The following FOCAD variants were observed in gnomAD, a reference collection of about 807,000 sequenced individuals.
The protein encoded by FOCAD is focadhesin.
Under a neutral mutation model 225.6 loss-of-function variants are expected in FOCAD, and 198 were observed. The ratio of observed to expected loss-of-function variants is 0.88; its 90% CI spans 0.78 to 0.99. The LOEUF is 0.99. Among genes scored for constraint, FOCAD ranks in the 50% least tolerant of loss-of-function variants. The pLI, the probability that FOCAD is intolerant of heterozygous loss-of-function variation, is 0.00. For synonymous variants in FOCAD, 897 were observed against 755.0 expected (o/e 1.19, Z -3.08); for missense variants, 2,713 against 2,123.6 (o/e 1.28, Z -5.46).
At chr9:20,790,248 C>A (rs58997320) in intron 11 of FOCAD, among the ~76,000 whole-genome samples, 4 of 152,020 alleles carry the variant, frequency 2.6e-5, no homozygotes, top group East Asian at 1.9e-4. Context: ...GCATAATAAC[C>A]TGTGACTTTT....
Position 20,907,198 on chromosome 9 carries a change from G to T in FOCAD, c.2674G>T (p.Ala892Ser). The change falls in exon 22 of 44, where the codon GCC (alanine) becomes TCC (serine). Residue 892 changes from alanine (A) to serine (S), a missense_variant. By Grantham distance (99) the Ala-to-Ser change is moderately conservative. Transcript: ENST00000338382. ...EWHRAIFLPQ[A>S]WLAYMNRAYH... ...GCACCGTGCAATTTTTCTTCCACAG[G>T]CCTGGCTTGCATACATGAATCGAGC... 2 of 1,613,120 alleles carry T rather than the reference G, an allele frequency of 1.2e-6. No individual in the cohort carries two copies. The highest frequency in any genetic ancestry group is 1.7e-6 in the Non-Finnish European group (2 of 1,179,498).
intron 4 of FOCAD, among the ~76,000 whole-genome samples, chr9:20,724,955 G>A (rs970189267): frequency 7.2e-4 from 109 of 152,104 alleles, no homozygotes; most frequent in Non-Finnish European, 5.9e-5. Flanking sequence ...CATCGCTTGA[G>A]GTCAGGAGTT....
chr9:20,711,675 GT>G (rs1411470318), intron 1 of FOCAD, among the ~76,000 whole-genome samples: 7 of 152,322 alleles, frequency 4.6e-5, no homozygotes, highest in African/African-American at 1.7e-4. Flanking sequence ...GATAACTGGG[GT>G]AAAATGAACT....
intron 35 of FOCAD, among the ~76,000 whole-genome samples, chr9:20,974,347 T>C (rs10964774): frequency 0.12 from 10,143 of 81,178 alleles, 705 homozygotes; most frequent in East Asian, 0.19. Context: ...GTCCTTTCTG[T>C]AGCTGTTTTT....
intron 21 of FOCAD, among the ~76,000 whole-genome samples, chr9:20,904,916 T>C (rs755784184): frequency 5.3e-4 from 80 of 152,074 alleles, no homozygotes; most frequent in Non-Finnish European, 9.7e-4. Context: ...ACCTAAAATA[T>C]AGGCAATGTG....
At chr9:20,978,782 G>A (rs1840433305) in intron 37 of FOCAD, among the ~76,000 whole-genome samples, 1 of 152,236 alleles carries the variant, frequency 6.6e-6, no homozygotes, top group South Asian at 2.1e-4. Flanking sequence ...TATAGTATAT[G>A]TAATTATTTC....
At chr9:20,979,337 G>GT (rs1057503500) in intron 37 of FOCAD, among the ~76,000 whole-genome samples, 3 of 151,966 alleles carry the variant, frequency 2.0e-5, no homozygotes, top group African/African-American at 4.8e-5. Flanking sequence ...CCTTGTTTCT[G>GT]TTTTTTTGTT....
intron 4 of FOCAD, among the ~76,000 whole-genome samples, chr9:20,737,618 G>C (rs971202436): frequency 3.3e-5 from 5 of 152,204 alleles, no homozygotes; most frequent in African/African-American, 1.2e-4. Context: ...TTCTAAACAT[G>C]TAGTGACTCT....
intron 5 of FOCAD, among the ~76,000 whole-genome samples, chr9:20,742,043 C>T (rs982914562): frequency 3.3e-5 from 5 of 152,128 alleles, no homozygotes; most frequent in African/African-American, 1.2e-4. Context: ...AGTTATGCCA[C>T]CATCACCATA....
At chr9:20,695,837 T>C (rs932284092) in intron 1 of FOCAD, among the ~76,000 whole-genome samples, 2 of 152,232 alleles carry the variant, frequency 1.3e-5, no homozygotes, top group Non-Finnish European at 2.9e-5. Flanking sequence ...TAGGTATGAA[T>C]TGAATATAAA....
intron 42 of FOCAD, among the ~76,000 whole-genome samples, chr9:20,990,627 A>C (rs1241015909): frequency 4.6e-5 from 7 of 152,154 alleles, no homozygotes; most frequent in Non-Finnish European, 1.0e-4. Flanking sequence ...TCCATACTTC[A>C]TTTATTGAAG....
intron 2 of FOCAD, among the ~76,000 whole-genome samples, chr9:20,660,097 A>G (rs890275047): frequency 2.0e-5 from 3 of 152,216 alleles, no homozygotes; most frequent in Non-Finnish European, 4.4e-5. Flanking sequence ...CCTGTGGGAC[A>G]TCCTTATGGA....
intron 19 of FOCAD, among the ~76,000 whole-genome samples, chr9:20,879,866 C>T (rs1469217547): frequency 1.3e-5 from 2 of 152,118 alleles, no homozygotes; most frequent in African/African-American, 4.8e-5. Flanking sequence ...AGAAAACTTC[C>T]ATTGCTGGGT....
At chr9:20,687,754 T>A (rs1316442608) in intron 1 of FOCAD, among the ~76,000 whole-genome samples, 1 of 152,222 alleles carries the variant, frequency 6.6e-6, no homozygotes, top group Non-Finnish European at 1.5e-5. Flanking sequence ...TGGTGCTAGG[T>A]CCTTAACTTA....
chr9:20,781,616 C>G, intron 9 of FOCAD, 111 bp from the exon 10 acceptor site: 1 of 814,148 alleles, frequency 1.2e-6, no homozygotes, highest in Non-Finnish European at 2.1e-6. Context: ...GTGTCTGACC[C>G]AGTTATAAAA....
chr9:20,656,906 C>A (rs543614068), upstream of FOCAD, among the ~76,000 whole-genome samples: 46 of 151,746 alleles, frequency 3.0e-4, no homozygotes, highest in African/African-American at 1.0e-3. Context: ...GATTTTGCAG[C>A]GGCTGGTACC....
chr9:20,908,129 T>C (rs957687937), intron 22 of FOCAD, among the ~76,000 whole-genome samples: 8 of 152,238 alleles, frequency 5.3e-5, no homozygotes, highest in East Asian at 3.9e-4. Context: ...CAGTTAACAA[T>C]ACAAGAAAAC....
intron 2 of FOCAD, among the ~76,000 whole-genome samples, chr9:20,666,930 T>A (rs1821914788): frequency 6.6e-6 from 1 of 152,214 alleles, no homozygotes; most frequent in Non-Finnish European, 1.5e-5. Context: ...GTCTTTGATA[T>A]TCCTGAAATA....
chr9:20,737,249 T>C (rs895729762), intron 4 of FOCAD, among the ~76,000 whole-genome samples: 1 of 152,198 alleles, frequency 6.6e-6, no homozygotes, highest in Non-Finnish European at 1.5e-5. Flanking sequence ...AAATGTGATG[T>C]CTATTCTTTT....
Sources: gnomAD v4.1 joint callset for allele counts (sites outside exome capture counted in the v4.1 genomes callset) on GRCh38, gnomAD v4.1.1 for gene constraint, MANE v1.5 for transcripts, NCBI Gene and HGNC (gene_info 2026-07-23, HGNC 2026-07-21) for gene names.